Variants in SLAIN2 observed in about 807,000 individuals in gnomAD.
The protein encoded by SLAIN2 is SLAIN family member 2, also known as SLAIN motif-containing protein 2.
Under a neutral mutation model 56.6 loss-of-function variants are expected in SLAIN2, and 31 were observed. The observed-to-expected ratio is 0.55, with a 90% CI of 0.41 to 0.74. The LOEUF (loss-of-function observed/expected upper bound fraction) is 0.74. Among genes scored for constraint, SLAIN2 ranks in the 30% least tolerant of loss-of-function variants. SLAIN2 has a pLI of 0.00. For missense variants in SLAIN2, 777 were observed against 754.2 expected, an observed-to-expected ratio of 1.03 and a Z score of -0.35; for synonymous variants, 317 against 284.9, an observed-to-expected ratio of 1.11 and a Z score of -1.13.
chr4:48,390,840 T>C (rs1412494455), intron 6 of SLAIN2, among the ~76,000 whole-genome samples: 1 of 152,236 alleles, frequency 6.6e-6, no homozygotes, highest in East Asian at 1.9e-4. Flanking sequence ...TTTATCAATC[T>C]GTCTACTCTT....
At chr4:48,384,114 T>C (rs1464161353) in intron 6 of SLAIN2, among the ~76,000 whole-genome samples, 1 of 152,184 alleles carries the variant, frequency 6.6e-6, no homozygotes, top group Non-Finnish European at 1.5e-5. Context: ...TAAAAACCAG[T>C]AGAGCATCCA....
At chr4:48,361,624 ATTTT>A (rs34131094) in intron 1 of SLAIN2, among the ~76,000 whole-genome samples, 1 of 150,978 alleles carries the variant, frequency 6.6e-6, no homozygotes, top group Admixed American at 6.6e-5. Flanking sequence ...AATTAAAAAG[ATTTT>A]TTTTTTCCAA....
intron 1 of SLAIN2, among the ~76,000 whole-genome samples, chr4:48,358,229 T>A (rs1412589836): frequency 6.6e-6 from 1 of 152,182 alleles, no homozygotes; most frequent in East Asian, 1.9e-4. Flanking sequence ...TTGAAAGAGT[T>A]ACTATATTTA....
chr4:48,343,137 C>G (rs1356806397), intron 1 of SLAIN2, among the ~76,000 whole-genome samples: 1 of 152,148 alleles, frequency 6.6e-6, no homozygotes, highest in Non-Finnish European at 1.5e-5. Flanking sequence ...TTCATAGACT[C>G]TGGTATTGCA....
intron 6 of SLAIN2, among the ~76,000 whole-genome samples, chr4:48,395,383 A>G (rs1716349051): frequency 1.3e-5 from 2 of 152,194 alleles, no homozygotes; most frequent in African/African-American, 4.8e-5. Flanking sequence ...AACAACCAAA[A>G]TATGTAACAG....
chr4:48,386,632 C>T (rs1248823703), intron 6 of SLAIN2, among the ~76,000 whole-genome samples: 1 of 152,162 alleles, frequency 6.6e-6, no homozygotes, highest in Non-Finnish European at 1.5e-5. Context: ...AAACTTAGTA[C>T]TCCAAGTCTT....
intron 6 of SLAIN2, among the ~76,000 whole-genome samples, chr4:48,412,466 G>A (rs1441706731): frequency 7.0e-6 from 1 of 142,800 alleles, no homozygotes; most frequent in Non-Finnish European, 1.6e-5. Context: ...CCCAAAGGGT[G>A]GCTAAGGTTT....
chr4:48,419,052 G>C (rs953686363), intron 6 of SLAIN2, among the ~76,000 whole-genome samples: 3 of 151,690 alleles, frequency 2.0e-5, no homozygotes, highest in Admixed American at 1.3e-4. Context: ...TTCAGTCTTT[G>C]GCTGTTACAA....
intron 4 of SLAIN2, among the ~76,000 whole-genome samples, chr4:48,381,476 A>G (rs1415709447): frequency 6.6e-6 from 1 of 152,176 alleles, no homozygotes; most frequent in East Asian, 1.9e-4. Context: ...AAGATGAGAA[A>G]TGCAAGCTCC....
intron 6 of SLAIN2, among the ~76,000 whole-genome samples, chr4:48,407,287 C>G (rs1716723660): frequency 6.6e-6 from 1 of 151,926 alleles, no homozygotes; most frequent in African/African-American, 2.4e-5. Context: ...TAAAATGATT[C>G]ATTTTATAGC....
chr4:48,341,593 G>T lies in SLAIN2; in HGVS notation c.-147G>T, dbSNP rs1417647358. ...CCAGCGGCGCTTTGGAACCCGAGGT[G>T]GGGGGACCCTGGCGGTGGGGCCTGG... On this transcript the variant is annotated 5_prime_UTR_variant, in exon 1 of 8. Coordinates refer to ENST00000264313, the MANE Select transcript of SLAIN2 (RefSeq NM_020846.2). The T allele has an allele frequency of 8.8e-6, 11 of 1,249,088 alleles. No individual in the cohort carries two copies. The highest frequency in any genetic ancestry group is 1.1e-5 in the Non-Finnish European group (11 of 956,788). 77.4% of individuals were successfully genotyped at this position (1,249,088 alleles called of 1,614,324 possible).
In SLAIN2 at chr4:48,426,075, C is replaced by T. The variant is rs543557551; in HGVS notation, c.*3998C>T. 64 of 151,264 alleles carry T rather than the reference C, an allele frequency of 4.2e-4. No homozygotes were observed. The highest frequency in any genetic ancestry group is 1.5e-3 in the African/African-American group (60 of 41,358). 9.4% of individuals were successfully genotyped at this position (151,264 alleles called of 1,614,324 possible). ...GTAAAAAATGATAGTTGTCTGCAAT[C>T]CCATAATCCGGAAATATTGAAGTAC... On this transcript the variant is annotated 3_prime_UTR_variant, in exon 8 of 8. Transcript: ENST00000264313.
At chr4:48,402,938 CTGTTTT>C (rs1412364073) in intron 6 of SLAIN2, among the ~76,000 whole-genome samples, 2 of 152,100 alleles carry the variant, frequency 1.3e-5, no homozygotes, top group African/African-American at 4.8e-5. Flanking sequence ...TCGTTGCTTT[CTGTTTT>C]TAACAGTCAG....
chr4:48,377,230 T>G (rs1715843077), intron 2 of SLAIN2, among the ~76,000 whole-genome samples: 1 of 151,850 alleles, frequency 6.6e-6, no homozygotes, highest in South Asian at 2.1e-4. Flanking sequence ...TCGCCCAGGC[T>G]GGAGTGCAGT....
intron 6 of SLAIN2, among the ~76,000 whole-genome samples, chr4:48,391,562 C>T (rs1716236657): frequency 6.6e-6 from 1 of 152,126 alleles, no homozygotes; most frequent in Non-Finnish European, 1.5e-5. Flanking sequence ...TCCAAATTGC[C>T]TACAGACAAT....
At chr4:48,373,633 G>GTATA (rs552602240) in intron 2 of SLAIN2, among the ~76,000 whole-genome samples, 3 of 151,664 alleles carry the variant, frequency 2.0e-5, no homozygotes, top group African/African-American at 4.8e-5. Context: ...TTTTTTAGTG[G>GTATA]TATATATATA....
At chr4:48,361,624 A>ATT (rs34131094) in intron 1 of SLAIN2, among the ~76,000 whole-genome samples, 2 of 150,976 alleles carry the variant, frequency 1.3e-5, no homozygotes, top group Non-Finnish European at 3.0e-5. Flanking sequence ...AATTAAAAAG[A>ATT]TTTTTTTTTT....
intron 6 of SLAIN2, among the ~76,000 whole-genome samples, chr4:48,397,620 G>A (rs1301047404): frequency 6.6e-6 from 1 of 152,136 alleles, no homozygotes; most frequent in East Asian, 1.9e-4. Flanking sequence ...TAGGTATTAA[G>A]CCCAGCATTC....
At chr4:48,396,155 A>G (rs773395694) in intron 6 of SLAIN2, among the ~76,000 whole-genome samples, 1 of 152,128 alleles carries the variant, frequency 6.6e-6, no homozygotes, top group African/African-American at 2.4e-5. Context: ...TATCACTCCA[A>G]GCTACCAAAC....
Sources: gnomAD v4.1 joint callset for allele counts (sites outside exome capture counted in the v4.1 genomes callset) on GRCh38, gnomAD v4.1.1 for gene constraint, MANE v1.5 for transcripts, NCBI Gene and HGNC (gene_info 2026-07-23, HGNC 2026-07-21) for gene names.